Variants in RBM33 observed in about 807,000 individuals in gnomAD.
The protein encoded by RBM33 is RNA-binding protein 33.
A neutral mutation model predicts 132.6 loss-of-function variants in RBM33; 28 were observed. The ratio of observed to expected loss-of-function variants is 0.21; its 90% confidence interval spans 0.16 to 0.29. The LOEUF (loss-of-function observed/expected upper bound fraction) is 0.29. RBM33 is among the 10% of genes least tolerant of loss of function. RBM33 has a pLI of 1.00. For synonymous variants in RBM33, 634 were observed against 593.0 expected, an observed-to-expected ratio of 1.07 and a Z score of -1.01; for missense variants, 1,291 against 1,518.5, an observed-to-expected ratio of 0.85 and a Z score of 2.49.
intron 5 of RBM33, among the ~76,000 whole-genome samples, chr7:155,698,150 C>T (rs1204613603): frequency 6.6e-6 from 1 of 152,064 alleles, no homozygotes; most frequent in Non-Finnish European, 1.5e-5. Flanking sequence ...CGGTAGATCA[C>T]GAGGTCAGGA....
In RBM33 at chr7:155,679,308, G is replaced by T. The variant is rs773676629; in HGVS notation, c.248+624G>T. On this transcript the variant is annotated intron_variant, in intron 4 of 17. Transcript: ENST00000401878. ...TAAAGAATTCCTCTACTCGGATGGA[G>T]GGCAGTGGCTTGGGACTCTCAACAC... Among the ~76,000 whole-genome samples, 81 of 152,210 alleles carry T rather than the reference G, an allele frequency of 5.3e-4. 1 individual carries two copies. Among genetic ancestry groups the T allele is most frequent in the Non-Finnish European group, 1.2e-4 (8 of 68,030 alleles).
chr7:155,673,533 T>C (rs370635947), intron 3 of RBM33, among the ~76,000 whole-genome samples: 5 of 116,058 alleles, frequency 4.3e-5, no homozygotes, highest in Admixed American at 1.7e-4. Context: ...TATACACACA[T>C]ATATACATAC....
intron 14 of RBM33, among the ~76,000 whole-genome samples, chr7:155,763,120 A>G (rs182535190): frequency 6.6e-6 from 1 of 152,216 alleles, no homozygotes; most frequent in Non-Finnish European, 1.5e-5. Flanking sequence ...AAGATTCCTG[A>G]TATTTCTAAG....
intron 14 of RBM33, among the ~76,000 whole-genome samples, chr7:155,759,547 A>G (rs1438572483): frequency 1.3e-5 from 2 of 151,002 alleles, no homozygotes; most frequent in Non-Finnish European, 2.9e-5. Flanking sequence ...CCTCCTGAGT[A>G]GCTGGGACTA....
intron 9 of RBM33, among the ~76,000 whole-genome samples, chr7:155,736,122 T>C (rs1801118672): frequency 6.6e-6 from 1 of 152,262 alleles, no homozygotes; most frequent in Non-Finnish European, 1.5e-5. Flanking sequence ...GTGGTGTTTA[T>C]ACTAGTGTTC....
intron 5 of RBM33, among the ~76,000 whole-genome samples, chr7:155,697,364 G>T (rs1323180566): frequency 6.6e-6 from 1 of 151,676 alleles, no homozygotes; most frequent in Non-Finnish European, 1.5e-5. Context: ...TTTTGTTTCT[G>T]TATTAATGAA....
At position 155,739,944 on chromosome 7, in the gene RBM33, A is replaced by G. The variant is rs755469132; in HGVS notation, c.1967A>G (p.Gln656Arg). The part of the protein sequence containing the change: ...PPPLMPMSQP[Q>R]FRPHVQTAQP... ...CCTTTGATGCCGATGTCTCAGCCAC[A>G]GTTCCGGCCTCACGTACAGACCGCT... The change falls in exon 12 of 18, where the codon CAG becomes CGG. Residue 656 changes from glutamine to arginine, a missense_variant. Coordinates refer to ENST00000401878, the MANE Select transcript of RBM33 (RefSeq NM_053043.3). 7.7e-6 allele frequency: 12 copies of G among 1,554,418 alleles called. No homozygotes were observed. In the South Asian group the frequency reaches 1.3e-4, roughly 17 times the overall value.
At chr7:155,666,697 T>C (rs1259436462) in intron 2 of RBM33, among the ~76,000 whole-genome samples, 1 of 152,222 alleles carries the variant, frequency 6.6e-6, no homozygotes, top group African/African-American at 2.4e-5. Context: ...GAATGGTCTG[T>C]TCATATCTGT....
intron 1 of RBM33, among the ~76,000 whole-genome samples, chr7:155,661,039 A>G (rs2362376): frequency 0.64 from 95,442 of 148,178 alleles, 31,465 homozygotes; most frequent in South Asian, 0.77. Context: ...CATTTTAGTT[A>G]TTTTTCAATT....
rs906813479 is a variant in RBM33 at position 155,780,853 on chromosome 7, A to G, written c.*5812A>G. ...TTTATTCCTCCAGGTCTTTGATTGGAGAGAGTAACTTTTTAATTCTGTTGT... is the reference window on the plus strand; with the variant it reads ...TTTATTCCTCCAGGTCTTTGATTGGGGAGAGTAACTTTTTAATTCTGTTGT... On this transcript the variant is annotated 3_prime_UTR_variant, in exon 18 of 18. Coordinates refer to ENST00000401878, the MANE Select transcript of RBM33 (RefSeq NM_053043.3). 6.6e-6 allele frequency: 1 copy of G among 152,664 alleles called. No homozygotes were observed. The highest frequency in any genetic ancestry group is 2.4e-5 in the African/African-American group (1 of 41,428). The allele number at this position is 152,664 out of a possible 1,614,324, so 9.5% of individuals were successfully genotyped here. A position where few individuals can be genotyped will look rare whatever the true frequency, so the allele number is the denominator to read the frequency against.
At chr7:155,669,980 A>G (rs1361968588) in intron 2 of RBM33, among the ~76,000 whole-genome samples, 1 of 152,180 alleles carries the variant, frequency 6.6e-6, no homozygotes, top group Non-Finnish European at 1.5e-5. Context: ...GCAGGCAGGT[A>G]AGACGGAGAG....
At chr7:155,737,262 G>A (rs1801156856) in intron 9 of RBM33, among the ~76,000 whole-genome samples, 1 of 150,794 alleles carries the variant, frequency 6.6e-6, no homozygotes, top group South Asian at 2.1e-4. Flanking sequence ...GTGTGTGTGT[G>A]TGTGATTACA....
chr7:155,753,585 C>T (rs73737839), intron 14 of RBM33, among the ~76,000 whole-genome samples: 3,769 of 152,226 alleles, frequency 0.025, 142 homozygotes, highest in African/African-American at 0.085. Context: ...CAGATAGAAG[C>T]GACTCAGAAG....
chr7:155,738,741 C>T, intron 11 of RBM33: 1 of 250,578 alleles, frequency 4.0e-6, no homozygotes, highest in Middle Eastern at 1.4e-3. Flanking sequence ...AGTGGAAATA[C>T]TTTGTCAAAT....
chr7:155,659,446 A>G (rs10949706), intron 1 of RBM33, among the ~76,000 whole-genome samples: 97,739 of 151,818 alleles, frequency 0.64, 32,368 homozygotes, highest in South Asian at 0.76. Flanking sequence ...TCAAAAGTAC[A>G]GTAGCTAAAG....
At chr7:155,749,377 C>T (rs1801623587) in intron 14 of RBM33, among the ~76,000 whole-genome samples, 1 of 152,180 alleles carries the variant, frequency 6.6e-6, no homozygotes, top group Non-Finnish European at 1.5e-5. Context: ...AAAGAGGCTA[C>T]GTAACCAGCC....
chr7:155,777,036 T>C lies in RBM33; in HGVS notation c.*1995T>C, dbSNP rs1390718709. 6.6e-6 allele frequency: 1 copy of C among 152,138 alleles called. No homozygotes were observed. Among genetic ancestry groups the C allele is most frequent in the Non-Finnish European group, 1.5e-5 (1 of 68,012 alleles). The allele number at this position is 152,138 out of a possible 1,614,324, so 9.4% of individuals were successfully genotyped here. A position where few individuals can be genotyped will look rare whatever the true frequency, so the allele number is the denominator to read the frequency against. On this transcript the variant is annotated 3_prime_UTR_variant, in exon 18 of 18. Transcript: ENST00000401878. ...TTGAGGGCTTACTGATACAATGAAA[T>C]GAGTTTCATGACTTTTTTTTTTTTT...
intron 5 of RBM33, among the ~76,000 whole-genome samples, chr7:155,683,557 G>C (rs1244144946): frequency 6.6e-6 from 1 of 152,206 alleles, no homozygotes; most frequent in Admixed American, 6.5e-5. Context: ...AGAATGTACA[G>C]TGGGAGGGTT....
intron 8 of RBM33, among the ~76,000 whole-genome samples, chr7:155,714,843 A>G (rs1182076214): frequency 1.3e-5 from 2 of 152,170 alleles, no homozygotes; most frequent in African/African-American, 2.4e-5. Context: ...GGACCCTCCC[A>G]TACGTGGGTG....
Sources: allele counts gnomAD v4.1 joint callset (sites outside exome capture counted in the v4.1 genomes callset), GRCh38; gene constraint gnomAD v4.1.1; transcripts MANE v1.5; gene names NCBI Gene and HGNC (gene_info 2026-07-23, HGNC 2026-07-21).